BTBD9: variants seen among roughly 807,000 people sequenced by gnomAD.
BTBD9 encodes the protein BTB domain containing 9.
Under a neutral mutation model 64.3 loss-of-function variants are expected in BTBD9, and 49 were observed. The observed-to-expected ratio is 0.76, with a 90% confidence interval of 0.61 to 0.97. BTBD9 has a LOEUF of 0.97. Among genes scored for constraint, BTBD9 ranks in the 50% least tolerant of loss-of-function variants. The pLI, the probability that BTBD9 is intolerant of heterozygous loss-of-function variation, is 0.00. For missense variants in BTBD9, 598 were observed against 762.1 expected (o/e 0.78, Z 2.53); for synonymous variants, 260 against 274.7 (o/e 0.95, Z 0.53).
In BTBD9 at chr6:38,532,008, G is replaced by A. The variant is rs140937955; in HGVS notation, c.1154+45592C>T. On this transcript the variant is annotated intron_variant, in intron 6 of 10. Transcript: ENST00000481247. Reference sequence around the variant, plus strand: ...ACTCAGGTGAGCACTCACAGTACCCGGGTTTAACTTCATATCCCTGAAAGA... The same window carrying A: ...ACTCAGGTGAGCACTCACAGTACCCAGGTTTAACTTCATATCCCTGAAAGA... Among the ~76,000 whole-genome samples the A allele has an allele frequency of 6.0e-3, 911 of 152,254 alleles. 3 individuals are homozygous for A. The highest frequency in any genetic ancestry group is 0.011 in the Non-Finnish European group (721 of 68,026).
intron 10 of BTBD9, among the ~76,000 whole-genome samples, chr6:38,177,247 T>C (rs1466643929): frequency 6.6e-6 from 1 of 152,234 alleles, no homozygotes; most frequent in Non-Finnish European, 1.5e-5. Context: ...CTTATTACCT[T>C]TTCTCAAGCT....
At chr6:38,548,054 GT>G (rs1241701078) in intron 6 of BTBD9, among the ~76,000 whole-genome samples, 1 of 152,150 alleles carries the variant, frequency 6.6e-6, no homozygotes, top group Non-Finnish European at 1.5e-5. Context: ...AAATTTTGCA[GT>G]GTAAATTACA....
intron 8 of BTBD9, among the ~76,000 whole-genome samples, chr6:38,282,331 C>T (rs1172405866): frequency 6.6e-6 from 1 of 152,172 alleles, no homozygotes; most frequent in East Asian, 1.9e-4. Flanking sequence ...AACCTAGCAA[C>T]ACCAAGGACA....
At chr6:38,380,263 A>T (rs116217254) in intron 6 of BTBD9, among the ~76,000 whole-genome samples, 2,629 of 152,326 alleles carry the variant, frequency 0.017, 75 homozygotes, top group African/African-American at 0.057. Context: ...AAAAGAATTC[A>T]TCATCAACAG....
At chr6:38,353,037 A>G (rs887950781) in intron 6 of BTBD9, among the ~76,000 whole-genome samples, 1 of 152,250 alleles carries the variant, frequency 6.6e-6, no homozygotes, top group Admixed American at 6.5e-5. Context: ...CTTTATAGAC[A>G]AAGTTGCTAA....
At chr6:38,221,838 G>C (rs969847790) in intron 9 of BTBD9, among the ~76,000 whole-genome samples, 1 of 151,878 alleles carries the variant, frequency 6.6e-6, no homozygotes, top group Non-Finnish European at 1.5e-5. Flanking sequence ...TAAAAATACA[G>C]GAATTAGCCA....
At chr6:38,587,438 T>C in intron 4 of BTBD9, 1 of 545,144 alleles carries the variant, frequency 1.8e-6, no homozygotes, top group Non-Finnish European at 3.6e-6. Flanking sequence ...GATGAATTAG[T>C]GCTAATGATG....
At chr6:38,435,738 G>C (rs1377964176) in intron 6 of BTBD9, among the ~76,000 whole-genome samples, 1 of 150,212 alleles carries the variant, frequency 6.7e-6, no homozygotes, top group Admixed American at 6.6e-5. Flanking sequence ...GCGTGATCTT[G>C]GCTCACTGCA....
At chr6:38,476,032 C>T (rs1454525605) in intron 6 of BTBD9, among the ~76,000 whole-genome samples, 2 of 152,114 alleles carry the variant, frequency 1.3e-5, no homozygotes, top group Non-Finnish European at 1.5e-5. Context: ...AATGTCCACT[C>T]GATTTCCTGA....
At chr6:38,506,060 C>T (rs1050351314) in intron 6 of BTBD9, among the ~76,000 whole-genome samples, 9 of 149,772 alleles carry the variant, frequency 6.0e-5, no homozygotes, top group African/African-American at 2.2e-4. Flanking sequence ...TTTCCTGCCT[C>T]AGTAAGTGGT....
intron 10 of BTBD9, chr6:38,179,708 C>T (rs1211609390): frequency 2.2e-6 from 1 of 456,760 alleles, no homozygotes. Context: ...CTTCCTTAAG[C>T]CTGGACTGTT....
intron 6 of BTBD9, among the ~76,000 whole-genome samples, chr6:38,472,858 TG>T (rs1197494443): frequency 6.6e-6 from 1 of 152,178 alleles, no homozygotes; most frequent in African/African-American, 2.4e-5. Context: ...TATGATTTCT[TG>T]GGGGAAAATC....
intron 6 of BTBD9, among the ~76,000 whole-genome samples, chr6:38,493,682 C>A (rs1771802220): frequency 6.6e-6 from 1 of 152,154 alleles, no homozygotes; most frequent in Non-Finnish European, 1.5e-5. Context: ...CTTTGGTACA[C>A]TGAAATCAAA....
intron 6 of BTBD9, among the ~76,000 whole-genome samples, chr6:38,530,882 C>A (rs901146919): frequency 6.6e-6 from 1 of 151,958 alleles, no homozygotes; most frequent in African/African-American, 2.4e-5. Flanking sequence ...ACTGATCAAG[C>A]AGAAGAATTA....
intron 8 of BTBD9, among the ~76,000 whole-genome samples, chr6:38,287,177 CTACAG>C (rs1391648334): frequency 1.4e-5 from 2 of 144,584 alleles, no homozygotes; most frequent in Non-Finnish European, 3.0e-5. Flanking sequence ...GTTTAAAAGT[CTACAG>C]TACAGTAATG....
intron 6 of BTBD9, among the ~76,000 whole-genome samples, chr6:38,523,185 T>TA (rs1201727531): frequency 6.6e-6 from 1 of 151,264 alleles, no homozygotes; most frequent in Non-Finnish European, 1.5e-5. Flanking sequence ...TTCGTCTCAT[T>TA]AAAAAAAATA....
intron 9 of BTBD9, among the ~76,000 whole-genome samples, chr6:38,249,300 G>A (rs1025963440): frequency 3.3e-5 from 5 of 152,096 alleles, no homozygotes; most frequent in Non-Finnish European, 5.9e-5. Context: ...TGTCACCCAG[G>A]CTGGAGTGCA....
chr6:38,315,471 T>G (rs1032181462), intron 7 of BTBD9, among the ~76,000 whole-genome samples: 32 of 148,802 alleles, frequency 2.2e-4, no homozygotes, highest in African/African-American at 7.2e-4. Context: ...ACAGTTTTGG[T>G]TTTTTTTTTA....
intron 6 of BTBD9, among the ~76,000 whole-genome samples, chr6:38,567,297 A>C (rs1267203960): frequency 6.6e-6 from 1 of 152,274 alleles, no homozygotes; most frequent in East Asian, 1.9e-4. Flanking sequence ...TAATGTGCAC[A>C]GAATTTCTAT....
Sources: gnomAD v4.1 joint callset for allele counts (sites outside exome capture counted in the v4.1 genomes callset) on GRCh38, gnomAD v4.1.1 for gene constraint, MANE v1.5 for transcripts, NCBI Gene and HGNC (gene_info 2026-07-23, HGNC 2026-07-21) for gene names.